The following MCF2 variants were observed in gnomAD, a reference collection of about 807,000 sequenced individuals.
MCF2 encodes the protein proto-oncogene DBL.
Under a neutral mutation model 82.5 loss-of-function variants are expected in MCF2, and 44 were observed. The ratio of observed to expected loss-of-function variants is 0.53; its 90% CI spans 0.42 to 0.69. The LOEUF (loss-of-function observed/expected upper bound fraction) is 0.69, where lower values mean the gene tolerates loss of function less well. Ranked by LOEUF, MCF2 falls within the 30% of genes least tolerant of loss-of-function variation. The pLI, the probability that MCF2 is intolerant of heterozygous loss-of-function variation, is 0.00. For missense variants in MCF2, 623 were observed against 663.1 expected, an observed-to-expected ratio of 0.94 and a Z score of 0.66; for synonymous variants, 217 against 224.9, an observed-to-expected ratio of 0.96 and a Z score of 0.32.
At position 139,622,853 on chromosome X, in the gene MCF2, C is replaced by A. The variant is rs1047757445; in HGVS notation, c.688-3147G>T. ...ATATGTAACGAACCTGCACATTGTA[C>A]TCATGTACCCTAAAACTTAAAGTAT... On this transcript the variant is annotated intron_variant, in intron 6 of 24. Transcript: ENST00000370576. Among the ~76,000 whole-genome samples the A allele has an allele frequency of 3.6e-5, 4 of 109,861 alleles. 1 individual carries two copies. The South Asian group carries it at 1.6e-3, about 44-fold the overall frequency.
At chrX:139,678,070 G>A (rs1457775809) in intron 1 of MCF2, among the ~76,000 whole-genome samples, 1 of 111,553 alleles carries the variant, frequency 9.0e-6, no homozygotes, top group African/African-American at 3.3e-5. Context: ...GGCTGAGGTG[G>A]AAGGATCGCT....
At chrX:139,689,652 C>CTTTTTTTT (rs1569402929) in intron 1 of MCF2, among the ~76,000 whole-genome samples, 1 of 108,531 alleles carries the variant, frequency 9.2e-6, no homozygotes, top group African/African-American at 3.4e-5. Context: ...CTTTGCATAT[C>CTTTTTTTT]TTATTTCCTT....
intron 1 of MCF2, chrX:139,691,786 A>C: frequency 1.0e-5 from 5 of 496,676 alleles, no homozygotes; most frequent in Non-Finnish European, 1.4e-5. Flanking sequence ...ACTGGAAAAT[A>C]AAGTGCGCGC....
At chrX:139,663,659 G>A (rs1250213545) in intron 1 of MCF2, among the ~76,000 whole-genome samples, 4 of 105,483 alleles carry the variant, frequency 3.8e-5, no homozygotes, top group African/African-American at 7.0e-5. Flanking sequence ...CCTTCTTTGC[G>A]TTCATAAGTT....
Position 139,604,857 on chromosome X carries a change from G to T in MCF2, c.1673+12C>A. The T allele has an allele frequency of 9.3e-7, 1 of 1,077,062 alleles. No individual in the cohort carries two copies. Among genetic ancestry groups the T allele is most frequent in the Non-Finnish European group, 1.3e-6 (1 of 782,768 alleles). The allele number at this position is 1,077,062 out of a possible 1,213,427, so 88.8% of individuals were successfully genotyped here. A position where few individuals can be genotyped will look rare whatever the true frequency, so the allele number is the denominator to read the frequency against. On this transcript the variant is annotated intron_variant, in intron 14 of 24. Coordinates refer to ENST00000370576, the Ensembl canonical transcript of MCF2. Reference sequence around the variant, plus strand: ...TTATAAAAAATAAATATTCAATTCAGCAATTACATACTCGTTATGGAATTC... The same window carrying T: ...TTATAAAAAATAAATATTCAATTCATCAATTACATACTCGTTATGGAATTC...
intron 1 of MCF2, among the ~76,000 whole-genome samples, chrX:139,700,199 C>T (rs185972720): frequency 2.2e-4 from 24 of 111,476 alleles, no homozygotes; most frequent in African/African-American, 7.8e-4. Flanking sequence ...CAATTTCCAA[C>T]GTTTTCCCTT....
chrX:139,704,343 T>C (rs1935553416), intron 1 of MCF2, among the ~76,000 whole-genome samples: 1 of 112,287 alleles, frequency 8.9e-6, no homozygotes, highest in African/African-American at 3.2e-5. Context: ...ACTTAGAAAA[T>C]TTTAAAGATG....
At chrX:139,605,732 T>C in exon 13 of MCF2, 1 of 1,202,585 alleles carries the variant, frequency 8.3e-7, no homozygotes, top group Non-Finnish European at 1.1e-6. Flanking sequence ...AGTATACAGT[T>C]CTCGAACATA....
At chrX:139,655,306 C>T (rs1248273090) in intron 1 of MCF2, among the ~76,000 whole-genome samples, 2 of 111,632 alleles carry the variant, frequency 1.8e-5, no homozygotes, top group Non-Finnish European at 3.8e-5. Flanking sequence ...GTGTCCTCTT[C>T]TATTTCTTTC....
intron 1 of MCF2, among the ~76,000 whole-genome samples, chrX:139,691,100 G>A (rs1161659051): frequency 8.9e-6 from 1 of 111,880 alleles, no homozygotes; most frequent in African/African-American, 3.2e-5. Flanking sequence ...CCATGGCAGC[G>A]GCCGTAAAGA....
intron 1 of MCF2, among the ~76,000 whole-genome samples, chrX:139,700,446 C>T (rs1414997132): frequency 2.7e-5 from 3 of 111,904 alleles, no homozygotes; most frequent in South Asian, 7.5e-4. Flanking sequence ...AAGAAGATAA[C>T]GATATCTCCA....
intron 2 of MCF2, among the ~76,000 whole-genome samples, chrX:139,648,372 T>C (rs1405174987): frequency 1.8e-5 from 2 of 108,405 alleles, no homozygotes; most frequent in Non-Finnish European, 3.8e-5. Context: ...ACCCCGTCTC[T>C]CCACGCCCCC....
exon 18 of MCF2, chrX:139,597,541 C>T: frequency 8.5e-7 from 1 of 1,177,135 alleles, no homozygotes. Context: ...GTGCCTTCTT[C>T]AACAGAGCAG....
At chrX:139,687,372 C>T (rs1186664411) in intron 1 of MCF2, among the ~76,000 whole-genome samples, 1 of 113,218 alleles carries the variant, frequency 8.8e-6, no homozygotes, top group African/African-American at 3.2e-5. Flanking sequence ...TGGCCTCTGG[C>T]CAGGAGCTAA....
chrX:139,692,009 C>G, intron 1 of MCF2: 1 of 1,166,432 alleles, frequency 8.6e-7, no homozygotes. Flanking sequence ...TGTCCACCTG[C>G]AGAGGGATCG....
At chrX:139,610,267 T>C (rs1347564417) in intron 11 of MCF2, 34 bp downstream of exon 15, 1 of 1,011,239 alleles carries the variant, frequency 9.9e-7, no homozygotes, top group South Asian at 2.1e-5. Context: ...ACTAAAGCAA[T>C]AAAGTCAATT....
chrX:139,602,868 C>T (rs183899615), intron 15 of MCF2, among the ~76,000 whole-genome samples: 99 of 112,244 alleles, frequency 8.8e-4, no homozygotes, highest in Non-Finnish European at 1.2e-3. Context: ...TAGCTGACTT[C>T]CAAGTTAGAG....
chrX:139,642,953 T>C (rs1314905959), upstream of MCF2: 2 of 367,626 alleles, frequency 5.4e-6, no homozygotes, highest in Non-Finnish European at 7.3e-6. Flanking sequence ...GCTAAGAATC[T>C]TTGTGAAGGT....
At chrX:139,696,654 C>T (rs949721836) in intron 1 of MCF2, among the ~76,000 whole-genome samples, 1 of 111,377 alleles carries the variant, frequency 9.0e-6, no homozygotes, top group Non-Finnish European at 1.9e-5. Context: ...GTCCCCAACT[C>T]CTGTCCTCAA....
Sources: gnomAD v4.1 joint callset for allele counts (sites outside exome capture counted in the v4.1 genomes callset) on GRCh38, gnomAD v4.1.1 for gene constraint, MANE v1.5 for transcripts, NCBI Gene and HGNC (gene_info 2026-07-23, HGNC 2026-07-21) for gene names.